The following LRRTM4 variants were observed in gnomAD, a reference collection of about 807,000 sequenced individuals.
LRRTM4 encodes the protein leucine-rich repeat transmembrane neuronal protein 4.
LRRTM4 carries 25 observed loss-of-function variants against 47.6 expected under a neutral mutation model. The observed-to-expected ratio is 0.53, with a 90% CI of 0.38 to 0.73. LRRTM4 has a LOEUF of 0.73. LRRTM4 is among the 30% of genes least tolerant of loss of function. LRRTM4 has a pLI of 0.00. For synonymous variants in LRRTM4, 311 were observed against 269.5 expected (o/e 1.15, Z -1.51); for missense variants, 638 against 713.4 (o/e 0.89, Z 1.20).
At chr2:77,285,230 G>A (rs944613815) in intron 3 of LRRTM4, among the ~76,000 whole-genome samples, 1 of 150,730 alleles carries the variant, frequency 6.6e-6, no homozygotes, top group Non-Finnish European at 1.5e-5. Context: ...TCTTTAAAAA[G>A]CAATGGGGAT....
rs956574449 is a variant in LRRTM4, at chr2:76,824,268, T to C, written c.1552-75352A>G. Among the ~76,000 whole-genome samples, 17 of 151,662 alleles carry C rather than the reference T, an allele frequency of 1.1e-4. No individual in the cohort carries two copies. The South Asian group carries it at 3.5e-3, about 31-fold the overall frequency. On this transcript the variant is annotated intron_variant, in intron 3 of 3. Transcript: ENST00000409884. Reference sequence around the variant, plus strand: ...TTTCAATATTCCTGATCTATAAATGTGTGTGTGTTTTGCATTCTCTTTCGA... The same window carrying C: ...TTTCAATATTCCTGATCTATAAATGCGTGTGTGTTTTGCATTCTCTTTCGA...
At chr2:77,469,180 GA>G (rs1248083487) in intron 3 of LRRTM4, among the ~76,000 whole-genome samples, 1 of 152,188 alleles carries the variant, frequency 6.6e-6, no homozygotes, top group Non-Finnish European at 1.5e-5. Context: ...TACATTTGGG[GA>G]AAGCAGTCAG....
chr2:77,461,829 C>G (rs191608259), intron 3 of LRRTM4, among the ~76,000 whole-genome samples: 10 of 152,166 alleles, frequency 6.6e-5, no homozygotes, highest in African/African-American at 2.2e-4. Flanking sequence ...AATTTTCAAT[C>G]AATTGTCTCA....
intron 3 of LRRTM4, among the ~76,000 whole-genome samples, chr2:76,845,975 T>C (rs994549014): frequency 2.6e-5 from 4 of 152,122 alleles, no homozygotes; most frequent in Non-Finnish European, 4.4e-5. Context: ...TATACACGGA[T>C]TTTTTTCAAC....
chr2:77,241,106 G>GA (rs1675248455), intron 3 of LRRTM4, among the ~76,000 whole-genome samples: 1 of 151,584 alleles, frequency 6.6e-6, no homozygotes, highest in Admixed American at 6.6e-5. Context: ...ACACAATTTT[G>GA]AAAAATCAAA....
At chr2:76,894,093 G>A (rs548893851) in intron 3 of LRRTM4, among the ~76,000 whole-genome samples, 1 of 152,056 alleles carries the variant, frequency 6.6e-6, no homozygotes, top group South Asian at 2.1e-4. Context: ...ACTGTACGAT[G>A]TTAAAAATAT....
intron 3 of LRRTM4, among the ~76,000 whole-genome samples, chr2:76,925,454 C>G (rs1354803626): frequency 6.6e-6 from 1 of 152,132 alleles, no homozygotes; most frequent in Non-Finnish European, 1.5e-5. Flanking sequence ...TAAGCTCTGT[C>G]TGGCTTTCTG....
chr2:76,964,632 C>A, intron 3 of LRRTM4, among the ~76,000 whole-genome samples: 1 of 148,766 alleles, frequency 6.7e-6, no homozygotes, highest in African/African-American at 2.5e-5. Context: ...TATTACAAAA[C>A]ATGAAAGATC....
intron 3 of LRRTM4, among the ~76,000 whole-genome samples, chr2:76,897,707 G>C (rs1169542954): frequency 6.6e-6 from 1 of 152,100 alleles, no homozygotes; most frequent in Admixed American, 6.6e-5. Context: ...TTAATCACTG[G>C]CTGGGCTATG....
chr2:76,786,227 G>A (rs964524836), intron 3 of LRRTM4, among the ~76,000 whole-genome samples: 2 of 151,944 alleles, frequency 1.3e-5, no homozygotes, highest in Non-Finnish European at 2.9e-5. Context: ...AACCATGAAC[G>A]ATTAAAAATA....
chr2:77,188,641 C>T (rs960760308), intron 3 of LRRTM4, among the ~76,000 whole-genome samples: 4 of 152,190 alleles, frequency 2.6e-5, no homozygotes, highest in Non-Finnish European at 4.4e-5. Flanking sequence ...TTCCGCCACA[C>T]TTGAAGGATG....
intron 3 of LRRTM4, among the ~76,000 whole-genome samples, chr2:76,891,124 A>C (rs1465597533): frequency 6.6e-6 from 1 of 151,912 alleles, no homozygotes; most frequent in African/African-American, 2.4e-5. Flanking sequence ...AAACTGAAGA[A>C]TCTACAGAAA....
chr2:77,114,588 G>C (rs1408000097), intron 3 of LRRTM4, among the ~76,000 whole-genome samples: 1 of 152,136 alleles, frequency 6.6e-6, no homozygotes, highest in African/African-American at 2.4e-5. Flanking sequence ...TGGCATGCCA[G>C]ATATCAGGGG....
In LRRTM4 at chr2:77,480,818, GTGTGGAGAGAGAGA is replaced by G. The variant is rs1228101282; in HGVS notation, c.1551+37486_1551+37499del. ...TGTGTGTGTGTGTGTGTGTGTGTGT[GTGTGGAGAGAGAGA>G]GAGAGAGAGAGAGAGAGAGAGAGAG... On this transcript the variant is annotated intron_variant, in intron 3 of 3. Coordinates refer to ENST00000409884, the MANE Select transcript of LRRTM4 (RefSeq NM_001134745.3). Among the ~76,000 whole-genome samples the G allele has an allele frequency of 2.2e-4, 25 of 115,012 alleles. No homozygotes were observed. The East Asian group carries it at 3.8e-3, about 17-fold the overall frequency. 75.5% of individuals were successfully genotyped at this position (115,012 alleles called of 152,430 possible). A position where few individuals can be genotyped will look rare whatever the true frequency, so the allele number is the denominator to read the frequency against.
At chr2:77,381,387 C>G (rs995840893) in intron 3 of LRRTM4, among the ~76,000 whole-genome samples, 3 of 151,798 alleles carry the variant, frequency 2.0e-5, no homozygotes, top group African/African-American at 7.3e-5. Context: ...TATCATTAAC[C>G]AAGCCAAATG....
intron 3 of LRRTM4, among the ~76,000 whole-genome samples, chr2:76,780,666 T>A (rs1484786142): frequency 6.6e-6 from 1 of 152,106 alleles, no homozygotes; most frequent in Non-Finnish European, 1.5e-5. Flanking sequence ...TCTTCTAAAT[T>A]TTTTTCAAAG....
chr2:77,118,251 C>T (rs1247758998), intron 3 of LRRTM4, among the ~76,000 whole-genome samples: 1 of 151,474 alleles, frequency 6.6e-6, no homozygotes, highest in African/African-American at 2.4e-5. Context: ...AACTTCCAAA[C>T]TTTAATACAT....
At chr2:76,890,174 G>T (rs1673206636) in intron 3 of LRRTM4, among the ~76,000 whole-genome samples, 1 of 152,092 alleles carries the variant, frequency 6.6e-6, no homozygotes, top group South Asian at 2.1e-4. Flanking sequence ...ATAATTTTAT[G>T]CTGAGAATGC....
intron 3 of LRRTM4, among the ~76,000 whole-genome samples, chr2:77,447,717 T>C (rs1676108505): frequency 6.6e-6 from 1 of 152,148 alleles, no homozygotes; most frequent in Non-Finnish European, 1.5e-5. Flanking sequence ...TTTTTGAGTA[T>C]CAGACCCCTA....
Sources: allele counts gnomAD v4.1 joint callset (sites outside exome capture counted in the v4.1 genomes callset), GRCh38; gene constraint gnomAD v4.1.1; transcripts MANE v1.5; gene names NCBI Gene and HGNC (gene_info 2026-07-23, HGNC 2026-07-21).